RPGR: variants seen among roughly 807,000 people sequenced by gnomAD.
The protein encoded by RPGR is X-linked retinitis pigmentosa GTPase regulator.
In RPGR, 10 loss-of-function variants were observed where a neutral mutation model predicts 56.3. The ratio of observed to expected loss-of-function variants is 0.18; its 90% CI spans 0.11 to 0.30. The LOEUF (loss-of-function observed/expected upper bound fraction) is 0.30. Ranked by LOEUF, RPGR falls within the 10% of genes least tolerant of loss-of-function variation. The pLI, the probability that RPGR is intolerant of heterozygous loss-of-function variation, is 1.00. For synonymous variants in RPGR, 197 were observed against 212.9 expected (o/e 0.93, Z 0.65); for missense variants, 538 against 590.9 (o/e 0.91, Z 0.93).
At chrX:38,295,343 G>C (rs1456058689) in intron 11 of RPGR, among the ~76,000 whole-genome samples, 1 of 112,296 alleles carries the variant, frequency 8.9e-6, no homozygotes, top group East Asian at 2.8e-4. Context: ...ATTGAAGTCT[G>C]TGAATGATTT....
intron 11 of RPGR, 31 bp downstream of exon 11, chrX:38,297,253 T>A (rs1187052454): frequency 1.9e-5 from 23 of 1,193,031 alleles, no homozygotes; most frequent in Non-Finnish European, 2.5e-5. Flanking sequence ...GGCACATTTA[T>A]CCTGAGAGCA....
intron 11 of RPGR, among the ~76,000 whole-genome samples, chrX:38,294,628 G>T (rs766518828): frequency 9.8e-5 from 11 of 111,705 alleles, no homozygotes; most frequent in African/African-American, 3.3e-4. Flanking sequence ...TTTCTACTTG[G>T]ATGCCTCACA....
At chrX:38,298,598 T>C (rs2067440823) in intron 10 of RPGR, among the ~76,000 whole-genome samples, 1 of 110,545 alleles carries the variant, frequency 9.0e-6, no homozygotes, top group African/African-American at 3.3e-5. Flanking sequence ...ACTACCATAA[T>C]AAAAAAAAGC....
At chrX:38,286,781 C>T (rs983693027) in intron 15 of RPGR, 1 of 1,153,186 alleles carries the variant, frequency 8.7e-7, no homozygotes, top group Non-Finnish European at 1.2e-6. Context: ...CCCTCCTCTT[C>T]TTCTCCTTCT....
At chrX:38,316,376 C>T (rs757658234) in intron 6 of RPGR, among the ~76,000 whole-genome samples, 9 of 111,827 alleles carry the variant, frequency 8.0e-5, no homozygotes, top group African/African-American at 1.9e-4. Context: ...GTTCACCTAA[C>T]GGCTAATGCA....
intron 15 of RPGR, among the ~76,000 whole-genome samples, chrX:38,283,198 T>C (rs958582209): frequency 7.2e-5 from 8 of 111,594 alleles, no homozygotes; most frequent in African/African-American, 2.0e-4. Flanking sequence ...TTGAGGGTAC[T>C]AGACCTGCCA....
intron 4 of RPGR, among the ~76,000 whole-genome samples, chrX:38,320,646 C>T (rs1315042512): frequency 8.9e-6 from 1 of 111,875 alleles, no homozygotes; most frequent in Non-Finnish European, 1.9e-5. Context: ...TACAAACACA[C>T]ACACACACAC....
chrX:38,310,489 T>TTA, intron 7 of RPGR, 126 bp downstream of exon 7: 1 of 644,032 alleles, frequency 1.6e-6, no homozygotes, highest in Non-Finnish European at 2.4e-6. Context: ...TAAAAATCTA[T>TTA]TAAGAAGGTA....
intron 6 of RPGR, 59 bp from the exon 7 acceptor site, chrX:38,310,832 T>C: frequency 8.9e-7 from 1 of 1,128,062 alleles, no homozygotes; most frequent in African/African-American, 1.8e-5. Context: ...AAAGCTGGTC[T>C]TACCGTCAAA....
At chrX:38,279,243 C>A (rs1485340529) in intron 15 of RPGR, 1 of 327,551 alleles carries the variant, frequency 3.1e-6, no homozygotes, top group Non-Finnish European at 5.9e-6. Flanking sequence ...AGTTTAAGTA[C>A]ATTCTTGGCA....
chrX:38,309,980 GTTTTTC>G (rs2067681500), intron 7 of RPGR, among the ~76,000 whole-genome samples: 1 of 110,627 alleles, frequency 9.0e-6, no homozygotes, highest in Non-Finnish European at 1.9e-5. Flanking sequence ...TTTTTTGTTT[GTTTTTC>G]TTTTTGTTTT....
intron 15 of RPGR, among the ~76,000 whole-genome samples, chrX:38,277,033 T>C (rs1037638335): frequency 1.8e-5 from 2 of 110,610 alleles, no homozygotes; most frequent in Non-Finnish European, 3.8e-5. Context: ...AAGGTTACAA[T>C]GGAAAAAAAA....
intron 16 of RPGR, chrX:38,275,205 T>G (rs747415198): frequency 2.1e-5 from 21 of 982,114 alleles, no homozygotes; most frequent in Non-Finnish European, 2.9e-5. Flanking sequence ...CTAGAAAACT[T>G]AAGTCTGAAT....
In RPGR at chrX:38,327,470, C is replaced by T. The variant is rs2068075259; in HGVS notation, c.-103G>A. ...TCCGCACCGACGCGGGCCGCGAAAG[C>T]CCCCAAGTTCCGCATGGCGAAACTC... On this transcript the variant is annotated 5_prime_UTR_variant, in exon 1 of 19. Coordinates refer to ENST00000642395, the MANE Select transcript of RPGR (RefSeq NM_000328.3). 1.2e-6 allele frequency: 1 copy of T among 823,591 alleles called. No individual in the cohort carries two copies. Among genetic ancestry groups the T allele is most frequent in the East Asian group, 4.0e-5 (1 of 24,811 alleles). The allele number at this position is 823,591 out of a possible 1,213,427, so 67.9% of individuals were successfully genotyped here.
At chrX:38,273,527 C>T in intron 17 of RPGR, 1 of 965,681 alleles carries the variant, frequency 1.0e-6, no homozygotes, top group Non-Finnish European at 1.5e-6. Context: ...AGGAAAAAGA[C>T]AAGACCTGAT....
At chrX:38,292,254 G>A (rs1196887082) in intron 11 of RPGR, among the ~76,000 whole-genome samples, 4 of 112,379 alleles carry the variant, frequency 3.6e-5, no homozygotes, top group Non-Finnish European at 7.5e-5. Context: ...CAGAAACTGT[G>A]TGAAATAATA....
intron 14 of RPGR, 167 bp downstream of exon 14, chrX:38,287,694 T>C (rs1167019392): frequency 1.5e-5 from 8 of 544,410 alleles, no homozygotes; most frequent in Non-Finnish European, 2.6e-5. Flanking sequence ...CACTGTCTAT[T>C]TCTTCTGCTT....
intron 15 of RPGR, chrX:38,285,162 T>G: frequency 1.1e-5 from 9 of 799,245 alleles, no homozygotes; most frequent in Non-Finnish European, 1.3e-5. Context: ...TTTATAGCCC[T>G]TAAGCATCTG....
At chrX:38,291,354 T>C (rs1342679306) in intron 12 of RPGR, 39 bp downstream of exon 12, 1 of 858,837 alleles carries the variant, frequency 1.2e-6, no homozygotes, top group Non-Finnish European at 1.7e-6. Context: ...GAACTAAAAT[T>C]CAAACTCATA....
Sources: allele counts gnomAD v4.1 joint callset (sites outside exome capture counted in the v4.1 genomes callset), GRCh38; gene constraint gnomAD v4.1.1; transcripts MANE v1.5; gene names NCBI Gene and HGNC (gene_info 2026-07-23, HGNC 2026-07-21).